The following NBEA variants were observed in gnomAD, a reference collection of about 807,000 sequenced individuals.
NBEA encodes the protein neurobeachin.
Under a neutral mutation model 343.4 loss-of-function variants are expected in NBEA, and 44 were observed. The observed-to-expected ratio is 0.13, with a 90% CI of 0.10 to 0.16. NBEA has a LOEUF of 0.16. NBEA is among the 10% of genes least tolerant of loss of function. NBEA has a pLI of 1.00. For missense variants in NBEA, 2,555 were observed against 3,631.3 expected, an observed-to-expected ratio of 0.70 and a Z score of 7.62; for synonymous variants, 1,175 against 1,238.7, an observed-to-expected ratio of 0.95 and a Z score of 1.08.
At chr13:35,083,216 T>C (rs575966080) in intron 10 of NBEA, among the ~76,000 whole-genome samples, 1 of 152,320 alleles carries the variant, frequency 6.6e-6, no homozygotes, top group South Asian at 2.1e-4. Context: ...TTGACAAAGA[T>C]CAGATAGTTG....
chr13:35,360,786 T>C lies in NBEA; in HGVS notation c.6179+8463T>C, dbSNP rs554773090. Among the ~76,000 whole-genome samples, 22 of 152,030 alleles carry C rather than the reference T, an allele frequency of 1.4e-4. No homozygotes were observed. In the South Asian group the frequency reaches 2.1e-3, roughly 14 times the overall value. On this transcript the variant is annotated intron_variant, in intron 38 of 58. Transcript: ENST00000379939. The stretch of plus-strand genomic sequence containing the variant: ...TGATTTTGAAGATAGATGAACAAAA[T>C]TTTATAATTGAAGAAAAGAGAGAAA...
chr13:35,144,152 C>T (rs1280083075), intron 18 of NBEA, among the ~76,000 whole-genome samples: 2 of 151,986 alleles, frequency 1.3e-5, no homozygotes, highest in East Asian at 3.9e-4. Flanking sequence ...AGAGTTATTG[C>T]AAAGAGAAAA....
intron 49 of NBEA, among the ~76,000 whole-genome samples, chr13:35,635,975 G>T (rs1274144445): frequency 6.6e-6 from 1 of 152,198 alleles, no homozygotes; most frequent in Non-Finnish European, 1.5e-5. Context: ...GTGGTGTTGA[G>T]AAGTGCTAAT....
rs558846115 is a variant in NBEA, at chr13:35,125,172, ACTCT to A, written c.2336+1601_2336+1604del. 8.5e-5 allele frequency among the ~76,000 whole-genome samples: 13 copies of A among 152,216 alleles called. No individual in the cohort carries two copies. In the East Asian group the frequency reaches 2.5e-3, roughly 29 times the overall value. On this transcript the variant is annotated intron_variant, in intron 17 of 58. Coordinates refer to ENST00000379939, the MANE Select transcript of NBEA (RefSeq NM_001385012.1). ...TGATACAACAAGAAGTAAAAAATGT[ACTCT>A]CTATCACAAATGTTATCACAAGTAG...
intron 38 of NBEA, among the ~76,000 whole-genome samples, chr13:35,368,249 A>T (rs2152880758): frequency 6.6e-6 from 1 of 151,686 alleles, no homozygotes; most frequent in Admixed American, 6.6e-5. Flanking sequence ...AGCTATTTCT[A>T]ATTTACTATC....
intron 46 of NBEA, among the ~76,000 whole-genome samples, chr13:35,584,621 T>G (rs2081207136): frequency 6.6e-6 from 1 of 151,638 alleles, no homozygotes; most frequent in East Asian, 1.9e-4. Flanking sequence ...TCCCTCAGCC[T>G]CCAGAGTAGT....
chr13:35,318,987 T>C (rs1295928776), intron 36 of NBEA, among the ~76,000 whole-genome samples: 1 of 152,212 alleles, frequency 6.6e-6, no homozygotes, highest in Admixed American at 6.5e-5. Context: ...TTGATTCTTC[T>C]CTGTTTTCTT....
At chr13:35,509,140 C>T (rs2077176969) in intron 41 of NBEA, among the ~76,000 whole-genome samples, 2 of 152,204 alleles carry the variant, frequency 1.3e-5, no homozygotes, top group South Asian at 2.1e-4. Flanking sequence ...CCTGCCTGAC[C>T]GTGGCTATGG....
intron 49 of NBEA, among the ~76,000 whole-genome samples, chr13:35,642,169 C>T (rs370510039): frequency 6.6e-6 from 1 of 152,038 alleles, no homozygotes; most frequent in Non-Finnish European, 1.5e-5. Flanking sequence ...CCTATGCTGG[C>T]TTTGTATGAA....
chr13:35,472,367 C>T (rs755567200), intron 40 of NBEA, 33 bp from the exon 41 acceptor site: 18 of 1,604,394 alleles, frequency 1.1e-5, no homozygotes, highest in Non-Finnish European at 1.4e-5. Context: ...GCCACAGGGG[C>T]TCAGCCTGAC....
intron 39 of NBEA, among the ~76,000 whole-genome samples, chr13:35,444,520 A>T (rs576889818): frequency 6.6e-6 from 1 of 152,112 alleles, no homozygotes; most frequent in South Asian, 2.1e-4. Context: ...AGCTAAAAAA[A>T]TATTGAGAAA....
chr13:35,282,953 A>G (rs1039497314), intron 34 of NBEA, among the ~76,000 whole-genome samples: 1 of 152,138 alleles, frequency 6.6e-6, no homozygotes, highest in African/African-American at 2.4e-5. Context: ...CCTTAAATAA[A>G]TTTTTAAAGC....
intron 1 of NBEA, among the ~76,000 whole-genome samples, chr13:34,949,212 A>G (rs73488140): frequency 1.3e-5 from 2 of 152,152 alleles, no homozygotes; most frequent in Admixed American, 6.5e-5. Context: ...TTATTGTTTC[A>G]CATTGCTTCA....
At chr13:35,156,009 A>G (rs927187495) in intron 19 of NBEA, 74 bp from the exon 20 acceptor site, 5 of 1,488,160 alleles carry the variant, frequency 3.4e-6, no homozygotes, top group Non-Finnish European at 4.5e-6. Context: ...TATTTATTTG[A>G]AAGTTGGTAA....
At chr13:35,292,344 A>AT (rs750130090) in intron 35 of NBEA, among the ~76,000 whole-genome samples, 1 of 151,998 alleles carries the variant, frequency 6.6e-6, no homozygotes, top group Non-Finnish European at 1.5e-5. Context: ...TTTATATCCT[A>AT]TTTTCATCCA....
chr13:35,284,564 T>C (rs933378969), intron 34 of NBEA, among the ~76,000 whole-genome samples: 11 of 152,126 alleles, frequency 7.2e-5, no homozygotes, highest in African/African-American at 2.4e-4. Flanking sequence ...CCAATTAACA[T>C]AGTAACTAAT....
chr13:35,655,932 C>A (rs1316510099), intron 55 of NBEA, among the ~76,000 whole-genome samples, 183 bp downstream of exon 55: 1 of 152,142 alleles, frequency 6.6e-6, no homozygotes, highest in African/African-American at 2.4e-5. Context: ...AGTACTATCA[C>A]CTACAACATG....
intron 34 of NBEA, among the ~76,000 whole-genome samples, chr13:35,271,859 A>G (rs186309652): frequency 2.4e-4 from 36 of 152,362 alleles, no homozygotes; most frequent in Non-Finnish European, 3.1e-4. Flanking sequence ...GACTATGTGA[A>G]AAGACCAACT....
rs571332248 is a variant in NBEA at position 34,988,033 on chromosome 13, T to C, written c.294+44919T>C. ...AGTCATTCTCCATGCAGCTTTGTTCTTTGCTGGTGGGGAGATGCTATCCTT... is the reference window on the plus strand; with the variant it reads ...AGTCATTCTCCATGCAGCTTTGTTCCTTGCTGGTGGGGAGATGCTATCCTT... On this transcript the variant is annotated intron_variant, in intron 1 of 58. Coordinates refer to ENST00000379939, the MANE Select transcript of NBEA (RefSeq NM_001385012.1). Among the ~76,000 whole-genome samples the C allele has an allele frequency of 1.3e-4, 20 of 151,290 alleles. 1 individual carries two copies. In the South Asian group the frequency reaches 3.2e-3, roughly 24 times the overall value.
Sources: allele counts gnomAD v4.1 joint callset (sites outside exome capture counted in the v4.1 genomes callset), GRCh38; gene constraint gnomAD v4.1.1; transcripts MANE v1.5; gene names NCBI Gene and HGNC (gene_info 2026-07-23, HGNC 2026-07-21).